The following JAZF1 variants were observed in gnomAD, a reference collection of about 807,000 sequenced individuals.
The protein encoded by JAZF1 is JAZF zinc finger 1.
JAZF1 carries 8 observed loss-of-function variants against 26.4 expected under a neutral mutation model. The ratio of observed to expected loss-of-function variants is 0.30; its 90% confidence interval spans 0.18 to 0.55. The LOEUF (loss-of-function observed/expected upper bound fraction) is 0.55. Among genes scored for constraint, JAZF1 ranks in the 20% least tolerant of loss-of-function variants. The pLI is 0.94. For missense variants in JAZF1, 199 were observed against 322.0 expected, an observed-to-expected ratio of 0.62 and a Z score of 2.92; for synonymous variants, 126 against 122.3, an observed-to-expected ratio of 1.03 and a Z score of -0.20.
chr7:27,902,932 C>T (rs769322908), intron 2 of JAZF1, among the ~76,000 whole-genome samples: 1 of 147,292 alleles, frequency 6.8e-6, no homozygotes, highest in Non-Finnish European at 1.5e-5. Flanking sequence ...AGGAGAATGG[C>T]GTGAACCTGG....
At chr7:27,944,064 T>C (rs17156062) in intron 2 of JAZF1, among the ~76,000 whole-genome samples, 6,957 of 152,130 alleles carry the variant, frequency 0.046, 317 homozygotes, top group East Asian at 0.13. Context: ...ACAGGAACTA[T>C]GGAAACATAT....
At chr7:27,896,494 G>C (rs1316689525) in intron 2 of JAZF1, among the ~76,000 whole-genome samples, 4 of 152,042 alleles carry the variant, frequency 2.6e-5, no homozygotes, top group African/African-American at 9.7e-5. Context: ...GCCCCCCAAG[G>C]CCTCTCTCCA....
intron 4 of JAZF1, among the ~76,000 whole-genome samples, chr7:27,839,210 A>G (rs1182099770): frequency 6.6e-6 from 1 of 152,158 alleles, no homozygotes; most frequent in Non-Finnish European, 1.5e-5. Context: ...ACAGGTCATT[A>G]CTTGGCTCCC....
At chr7:28,041,617 T>C (rs1783393636) in intron 1 of JAZF1, among the ~76,000 whole-genome samples, 1 of 152,144 alleles carries the variant, frequency 6.6e-6, no homozygotes, top group Non-Finnish European at 1.5e-5. Flanking sequence ...AAGACCTACA[T>C]ACTTCAGATG....
At chr7:27,957,571 CTACTGTAT>C (rs1204971935) in intron 2 of JAZF1, among the ~76,000 whole-genome samples, 2 of 152,198 alleles carry the variant, frequency 1.3e-5, no homozygotes, top group Non-Finnish European at 2.9e-5. Context: ...TTACCCTGGA[CTACTGTAT>C]TTTCTACCCA....
In JAZF1 at chr7:28,055,163, TA is replaced by T. The variant is rs951568749; in HGVS notation, c.116-63183del. On this transcript the variant is annotated intron_variant, in intron 1 of 4. Transcript: ENST00000283928. ...TCCAATTCATTCCTTTCAGGTGTTT[TA>T]AAAAAAAAAAAATTTTTGCAATGAC... Among the ~76,000 whole-genome samples, 176 of 147,596 alleles carry T rather than the reference TA, an allele frequency of 1.2e-3. 1 individual carries two copies. The highest frequency in any genetic ancestry group is 2.5e-3 in the African/African-American group (103 of 40,562).
chr7:27,999,886 C>T (rs899471646), intron 1 of JAZF1, among the ~76,000 whole-genome samples: 1 of 152,118 alleles, frequency 6.6e-6, no homozygotes, highest in African/African-American at 2.4e-5. Flanking sequence ...TATATACTTC[C>T]ATCAAAATAC....
chr7:28,107,804 T>C (rs540583256), intron 1 of JAZF1, among the ~76,000 whole-genome samples: 34 of 152,348 alleles, frequency 2.2e-4, no homozygotes, highest in Middle Eastern at 3.4e-3. Context: ...AGAGAATGCA[T>C]ACGGAGTTCC....
chr7:28,179,753 C>T (rs1359414128), intron 1 of JAZF1, among the ~76,000 whole-genome samples: 1 of 148,066 alleles, frequency 6.8e-6, no homozygotes, highest in Non-Finnish European at 1.5e-5. Context: ...GCCCCTCGGC[C>T]GCCTCCCAGG....
intron 2 of JAZF1, among the ~76,000 whole-genome samples, chr7:27,926,783 C>T (rs1347883445): frequency 6.6e-6 from 1 of 152,204 alleles, no homozygotes; most frequent in Non-Finnish European, 1.5e-5. Context: ...TCCTCTCAGG[C>T]TGGGGCTCTT....
chr7:27,932,479 G>A (rs1175057818), intron 2 of JAZF1, among the ~76,000 whole-genome samples: 1 of 151,974 alleles, frequency 6.6e-6, no homozygotes, highest in African/African-American at 2.4e-5. Context: ...TGGAAGAGAG[G>A]GTGCATCTTG....
chr7:28,040,322 C>T (rs2128377111), intron 1 of JAZF1, among the ~76,000 whole-genome samples: 1 of 152,304 alleles, frequency 6.6e-6, no homozygotes, highest in Non-Finnish European at 1.5e-5. Flanking sequence ...GTGGGGCAAG[C>T]AAGGTCCTGT....
At chr7:27,848,400 C>T (rs541533524) in intron 3 of JAZF1, among the ~76,000 whole-genome samples, 1 of 152,178 alleles carries the variant, frequency 6.6e-6, no homozygotes, top group Middle Eastern at 3.4e-3. Flanking sequence ...GATAACGTAT[C>T]CTGCAACCTT....
intron 1 of JAZF1, among the ~76,000 whole-genome samples, chr7:28,028,708 T>C (rs1783133587): frequency 6.6e-6 from 1 of 152,222 alleles, no homozygotes; most frequent in Non-Finnish European, 1.5e-5. Context: ...TAAGCGTTGG[T>C]GAATAACATA....
intron 1 of JAZF1, among the ~76,000 whole-genome samples, chr7:28,002,041 T>A (rs1045743679): frequency 6.6e-6 from 1 of 152,168 alleles, no homozygotes; most frequent in Non-Finnish European, 1.5e-5. Context: ...GATAAAAGAC[T>A]CATGGTATAG....
intron 3 of JAZF1, among the ~76,000 whole-genome samples, chr7:27,877,140 C>T (rs1173901662): frequency 2.7e-5 from 4 of 145,936 alleles, no homozygotes; most frequent in Non-Finnish European, 4.6e-5. Context: ...TCACCGACCA[C>T]GTTTATTTTC....
chr7:27,900,867 G>A (rs1784151981), intron 2 of JAZF1, among the ~76,000 whole-genome samples: 1 of 151,932 alleles, frequency 6.6e-6, no homozygotes. Flanking sequence ...GAATATATAT[G>A]CAAATCAATA....
At chr7:27,911,903 A>T (rs1372628912) in intron 2 of JAZF1, among the ~76,000 whole-genome samples, 1 of 152,178 alleles carries the variant, frequency 6.6e-6, no homozygotes, top group Non-Finnish European at 1.5e-5. Context: ...TTTTTCAGAC[A>T]ATATTTTTAT....
chr7:28,152,426 C>T (rs946328280), intron 1 of JAZF1, among the ~76,000 whole-genome samples: 3 of 152,138 alleles, frequency 2.0e-5, no homozygotes, highest in African/African-American at 7.2e-5. Flanking sequence ...GCCCTCTGAC[C>T]CACTCCATCT....
Sources: allele counts gnomAD v4.1 joint callset (sites outside exome capture counted in the v4.1 genomes callset), GRCh38; gene constraint gnomAD v4.1.1; transcripts MANE v1.5; gene names NCBI Gene and HGNC (gene_info 2026-07-23, HGNC 2026-07-21).